Variants in NRG1 observed in about 807,000 individuals in gnomAD.
NRG1 encodes the protein neuregulin 1, also known as pro-neuregulin-1, membrane-bound isoform.
Under a neutral mutation model 63.8 loss-of-function variants are expected in NRG1, and 18 were observed. The observed-to-expected ratio is 0.28, with a 90% confidence interval of 0.19 to 0.42. NRG1 has a LOEUF of 0.42. NRG1 is among the 10% of genes least tolerant of loss of function. The pLI is 1.00. For missense variants in NRG1, 762 were observed against 814.7 expected (o/e 0.94, Z 0.79); for synonymous variants, 302 against 301.3 (o/e 1.00, Z -0.02).
At chr8:31,995,509 C>T (rs189074266) in intron 1 of NRG1, among the ~76,000 whole-genome samples, 31 of 151,962 alleles carry the variant, frequency 2.0e-4, no homozygotes, top group South Asian at 4.2e-4. Flanking sequence ...TTAGAACACC[C>T]GGAGTCAGCT....
chr8:31,999,045 C>CT (rs533757734), intron 1 of NRG1, among the ~76,000 whole-genome samples: 41 of 148,406 alleles, frequency 2.8e-4, no homozygotes, highest in Admixed American at 6.1e-4. Flanking sequence ...GTATATAGTT[C>CT]TTTTTTTTTT....
At chr8:32,038,479 C>T (rs1485117032) in intron 1 of NRG1, among the ~76,000 whole-genome samples, 1 of 152,014 alleles carries the variant, frequency 6.6e-6, no homozygotes, top group African/African-American at 2.4e-5. Context: ...AGAAACAGAA[C>T]CGAATGAACA....
chr8:32,762,381 T>C (rs1201731448), intron 11 of NRG1, among the ~76,000 whole-genome samples: 1 of 152,184 alleles, frequency 6.6e-6, no homozygotes, highest in East Asian at 1.9e-4. Flanking sequence ...CTAGATGATA[T>C]CTAGGACTAC....
At chr8:31,692,490 T>G (rs529946556) in intron 1 of NRG1, among the ~76,000 whole-genome samples, 2 of 152,304 alleles carry the variant, frequency 1.3e-5, no homozygotes, top group East Asian at 3.9e-4. Context: ...ATAAACAGTT[T>G]AGTTGAGAAA....
chr8:31,992,773 C>T (rs1030314654), intron 1 of NRG1, among the ~76,000 whole-genome samples: 1 of 151,912 alleles, frequency 6.6e-6, no homozygotes, highest in Admixed American at 6.6e-5. Context: ...CAGATATAAG[C>T]ATTAGCTCCA....
chr8:32,646,789 T>C, intron 5 of NRG1: 1 of 984,996 alleles, frequency 1.0e-6, no homozygotes, highest in Non-Finnish European at 1.2e-6. Context: ...TCCTTCTAAT[T>C]GGATAAAATA....
intron 1 of NRG1, among the ~76,000 whole-genome samples, chr8:32,439,807 A>G (rs1819293414): frequency 2.1e-5 from 3 of 146,134 alleles, no homozygotes; most frequent in South Asian, 2.1e-4. Flanking sequence ...GTCTCACTCT[A>G]TGGCCCAGGC....
At chr8:32,719,940 T>C (rs1289222032) in intron 5 of NRG1, among the ~76,000 whole-genome samples, 6 of 152,136 alleles carry the variant, frequency 3.9e-5, no homozygotes, top group Non-Finnish European at 7.4e-5. Context: ...AAAATTGACT[T>C]TCTAATTTCA....
At chr8:31,805,882 G>A (rs1822234647) in intron 1 of NRG1, among the ~76,000 whole-genome samples, 1 of 150,032 alleles carries the variant, frequency 6.7e-6, no homozygotes, top group African/African-American at 2.4e-5. Context: ...TCAATGTATC[G>A]TGGACGATAA....
At chr8:32,453,245 A>T (rs2065806181) in intron 1 of NRG1, among the ~76,000 whole-genome samples, 1 of 152,132 alleles carries the variant, frequency 6.6e-6, no homozygotes, top group South Asian at 2.1e-4. Context: ...CATTGGAAGA[A>T]AAAAAAACTG....
intron 1 of NRG1, among the ~76,000 whole-genome samples, chr8:31,660,474 G>T (rs1436335937): frequency 1.3e-5 from 2 of 152,184 alleles, no homozygotes; most frequent in Non-Finnish European, 2.9e-5. Context: ...TGTTTGCAGG[G>T]TGTGTTAAGA....
At chr8:31,979,428 C>T (rs1226020693) in intron 1 of NRG1, among the ~76,000 whole-genome samples, 1 of 152,088 alleles carries the variant, frequency 6.6e-6, no homozygotes, top group Non-Finnish European at 1.5e-5. Flanking sequence ...TCAGAAATGT[C>T]CCTGTCTTGT....
chr8:32,487,837 G>A (rs544805419), intron 1 of NRG1, among the ~76,000 whole-genome samples: 3 of 152,244 alleles, frequency 2.0e-5, no homozygotes, highest in South Asian at 2.1e-4. Context: ...CCTTTCAACC[G>A]GAGTCAGAAC....
At chr8:31,883,046 T>A (rs935757013) in intron 1 of NRG1, among the ~76,000 whole-genome samples, 2 of 152,086 alleles carry the variant, frequency 1.3e-5, no homozygotes, top group African/African-American at 4.8e-5. Context: ...GGTAGCATGC[T>A]ATCAAAGAGC....
intron 5 of NRG1, among the ~76,000 whole-genome samples, chr8:32,676,207 C>T (rs1056538664): frequency 3.3e-5 from 5 of 152,130 alleles, no homozygotes; most frequent in Non-Finnish European, 7.4e-5. Flanking sequence ...TCAGTGACTC[C>T]CGCTTTTTCT....
chr8:32,750,122 T>C (rs901053101), intron 7 of NRG1, among the ~76,000 whole-genome samples: 2 of 152,184 alleles, frequency 1.3e-5, no homozygotes, highest in Non-Finnish European at 2.9e-5. Context: ...CTTGAATTAC[T>C]CAGATTTTCT....
intron 1 of NRG1, among the ~76,000 whole-genome samples, chr8:32,105,295 A>G (rs1276601165): frequency 6.6e-6 from 1 of 152,174 alleles, no homozygotes; most frequent in Non-Finnish European, 1.5e-5. Context: ...ACACTGGGCA[A>G]TTTACAAAAG....
exon 12 of NRG1, chr8:32,764,170 G>A (rs376169851): frequency 9.2e-5 from 148 of 1,614,002 alleles, no homozygotes; most frequent in Non-Finnish European, 1.2e-4. Flanking sequence ...GAAGTGGACA[G>A]CAACACAAGC....
At chr8:31,755,815 G>A (rs1474628818) in intron 1 of NRG1, among the ~76,000 whole-genome samples, 1 of 152,050 alleles carries the variant, frequency 6.6e-6, no homozygotes, top group Non-Finnish European at 1.5e-5. Context: ...CAACTGCAAT[G>A]TGAGAAGCGA....
Sources: allele counts gnomAD v4.1 joint callset (sites outside exome capture counted in the v4.1 genomes callset), GRCh38; gene constraint gnomAD v4.1.1; transcripts MANE v1.5; gene names NCBI Gene and HGNC (gene_info 2026-07-23, HGNC 2026-07-21).